Variants in ANKMY1 observed in about 807,000 individuals in gnomAD.
The protein encoded by ANKMY1 is ankyrin repeat and MYND domain-containing protein 1.
Under a neutral mutation model 102.0 loss-of-function variants are expected in ANKMY1, and 98 were observed. The observed-to-expected ratio is 0.96, with a 90% CI of 0.82 to 1.14. ANKMY1 has a LOEUF of 1.14. ANKMY1 is among the 50% of genes most tolerant of loss of function. The pLI is 0.00. For synonymous variants in ANKMY1, 582 were observed against 559.9 expected (o/e 1.04, Z -0.56); for missense variants, 1,330 against 1,347.6 (o/e 0.99, Z 0.20).
intron 4 of ANKMY1, among the ~76,000 whole-genome samples, chr2:240,530,800 G>C (rs1006377958): frequency 2.0e-5 from 3 of 152,106 alleles, no homozygotes; most frequent in Non-Finnish European, 4.4e-5. Context: ...TGTAAGCCCA[G>C]CTACTCAGAG....
At chr2:240,523,813 G>A (rs1333420084) in intron 8 of ANKMY1, 72 bp downstream of exon 8, 46 of 1,551,860 alleles carry the variant, frequency 3.0e-5, no homozygotes, top group Admixed American at 9.0e-5. Context: ...GGGAAGAGAC[G>A]TGGGTCTGCT....
At chr2:240,560,548 C>T, upstream of ANKMY1, 1 of 1,235,318 alleles carries the variant, frequency 8.1e-7, no homozygotes, top group Non-Finnish European at 1.0e-6. Context: ...AAGCCCCAGC[C>T]TGGTCCACCT....
At chr2:240,479,271 C>A (rs2075071650), downstream of ANKMY1, among the ~76,000 whole-genome samples, 1 of 152,214 alleles carries the variant, frequency 6.6e-6, no homozygotes, top group Non-Finnish European at 1.5e-5. Context: ...GCAGCAGGCT[C>A]CGAGTCCTGA....
intron 8 of ANKMY1, among the ~76,000 whole-genome samples, chr2:240,521,491 CTTTTTTTTTTTTTTT>C (rs1162330484): frequency 1.4e-5 from 1 of 69,592 alleles, no homozygotes; most frequent in Non-Finnish European, 2.6e-5. Flanking sequence ...GGTGTTACAG[CTTTTTTTTTTTTTTT>C]TTTTTTTTTT....
chr2:240,499,244 G>T lies in ANKMY1; in HGVS notation c.2806+714C>A, dbSNP rs1246975259. On this transcript the variant is annotated intron_variant, in intron 15 of 17. Coordinates refer to ENST00000401804, the MANE Select transcript of ANKMY1 (RefSeq NM_001282771.3). This position sits in a 1 kb window ranked among gnomAD's most constrained non-coding sequence, Gnocchi z 4.2. The stretch of plus-strand genomic sequence containing the variant: ...GTGACAGGTTTTTATGTGAGGAGAG[G>T]ATGGCTGTGGGTATCAGTGTGTGTG... Among the ~76,000 whole-genome samples, 1 of 151,748 alleles carries T rather than the reference G, an allele frequency of 6.6e-6. No individual in the cohort carries two copies. The highest frequency in any genetic ancestry group is 2.1e-4 in the South Asian group (1 of 4,808).
chr2:240,558,868 A>G (rs997385481), upstream of ANKMY1, among the ~76,000 whole-genome samples: 4 of 152,182 alleles, frequency 2.6e-5, no homozygotes, highest in African/African-American at 9.7e-5. Context: ...GACCCAGTAC[A>G]AACCACTCAG....
At chr2:240,557,552 G>A in intron 1 of ANKMY1, 200 bp from the exon 2 acceptor site, 1 of 529,814 alleles carries the variant, frequency 1.9e-6, no homozygotes, top group Non-Finnish European at 3.0e-6. Flanking sequence ...GGAACCATGG[G>A]TAAACTTCAC....
chr2:240,541,150 G>C lies in ANKMY1; in HGVS notation c.481-11641C>G, dbSNP rs142085604. ...CCTGAGGGCTTGTTTGTAACTGTGT[G>C]TTGTGTGTGTGCCTGGGAAAGTGAG... On this transcript the variant is annotated intron_variant, in intron 4 of 17. Transcript: ENST00000401804. Among the ~76,000 whole-genome samples the C allele has an allele frequency of 2.5e-3, 379 of 152,340 alleles. 2 individuals carry two copies. The highest frequency in any genetic ancestry group is 8.8e-3 in the African/African-American group (365 of 41,578).
intron 12 of ANKMY1, 124 bp from the exon 13 acceptor site, chr2:240,507,815 G>A (rs773452340): frequency 7.1e-5 from 87 of 1,217,410 alleles, no homozygotes; most frequent in Non-Finnish European, 9.1e-5. Flanking sequence ...GGAGGCCACC[G>A]CTGGCCCTTC....
chr2:240,548,284 G>A (rs1038618265), intron 4 of ANKMY1, among the ~76,000 whole-genome samples: 3 of 152,180 alleles, frequency 2.0e-5, no homozygotes, highest in African/African-American at 7.2e-5. Flanking sequence ...CTCACTAGAT[G>A]CAGAAAAGAC....
intron 4 of ANKMY1, among the ~76,000 whole-genome samples, chr2:240,545,199 C>T (rs1219096660): frequency 2.0e-5 from 3 of 152,230 alleles, no homozygotes; most frequent in Non-Finnish European, 4.4e-5. Context: ...GGGTCCCTGA[C>T]CTCTGACCCC....
chr2:240,550,136 A>C (rs1352360748), intron 4 of ANKMY1, among the ~76,000 whole-genome samples: 1 of 152,058 alleles, frequency 6.6e-6, no homozygotes, highest in East Asian at 1.9e-4. Context: ...ACAATGATAG[A>C]CTGGATTAAG....
In ANKMY1 at chr2:240,499,696, G is replaced by A. The variant is rs2077831987; in HGVS notation, c.2806+262C>T. 6.6e-6 allele frequency among the ~76,000 whole-genome samples: 1 copy of A among 152,014 alleles called. No individual in the cohort carries two copies. Among genetic ancestry groups the A allele is most frequent in the Non-Finnish European group, 1.5e-5 (1 of 67,952 alleles). On this transcript the variant is annotated intron_variant, in intron 15 of 17. Transcript: ENST00000401804. This position sits in a 1 kb window ranked among gnomAD's most constrained non-coding sequence, Gnocchi z 4.2. ...CAGTGCCTAGTTCTCTCCTGGGCGT[G>A]GGGCCCCTCTGACCTGGGCCCTGGC...
At position 240,506,394 on chromosome 2, in the gene ANKMY1, T is replaced by A. The variant is rs1329039711; in HGVS notation, c.2526+1166A>T. On this transcript the variant is annotated intron_variant, in intron 13 of 17. Coordinates refer to ENST00000401804, the MANE Select transcript of ANKMY1 (RefSeq NM_001282771.3). The surrounding 1 kb of genome is among the most constrained non-coding windows in gnomAD (Gnocchi z 4.9). ...AATGGTGCCGACTACCCACACACACTGTTTCATTCCATCCTCTGCCGCCTA... is the reference window on the plus strand; with the variant it reads ...AATGGTGCCGACTACCCACACACACAGTTTCATTCCATCCTCTGCCGCCTA... Among the ~76,000 whole-genome samples, 1 of 152,154 alleles carries A rather than the reference T, an allele frequency of 6.6e-6. No individual in the cohort carries two copies. The highest frequency in any genetic ancestry group is 1.9e-4 in the East Asian group (1 of 5,184).
rs572450846 is a variant in ANKMY1, at chr2:240,511,008, C to A, written c.2286+853G>T. The stretch of plus-strand genomic sequence containing the variant: ...CACCCTTCAGGTGGTCTACTCAGGG[C>A]AGAGCGCCTGGCCCCAAGAAGACCC... On this transcript the variant is annotated intron_variant, in intron 11 of 17. Coordinates refer to ENST00000401804, the MANE Select transcript of ANKMY1 (RefSeq NM_001282771.3). Among the ~76,000 whole-genome samples the A allele has an allele frequency of 6.6e-5, 10 of 152,146 alleles. No individual in the cohort carries two copies. In the East Asian group the frequency reaches 1.9e-3, roughly 30 times the overall value.
intron 9 of ANKMY1, among the ~76,000 whole-genome samples, chr2:240,514,708 A>T (rs1480562519): frequency 2.6e-5 from 4 of 152,234 alleles, no homozygotes; most frequent in Non-Finnish European, 5.9e-5. Flanking sequence ...TGCATTGAAG[A>T]GCAAAGAAAC....
At chr2:240,549,180 G>C (rs1321854144) in intron 4 of ANKMY1, among the ~76,000 whole-genome samples, 2 of 151,398 alleles carry the variant, frequency 1.3e-5, no homozygotes, top group Admixed American at 6.6e-5. Flanking sequence ...TAGATCAATG[G>C]AACAGAACAG....
chr2:240,511,922 A>G lies in ANKMY1; in HGVS notation c.2225T>C (p.Leu742Pro). The G allele has an allele frequency of 6.3e-7, 1 of 1,579,646 alleles. No homozygotes were observed. The highest frequency in any genetic ancestry group is 1.1e-5 in the South Asian group (1 of 88,774). The stretch of plus-strand genomic sequence containing the variant: ...AGCCGTCCTGCCCCCCTCCTCCGGG[A>G]GGGCTGTGTCCGTGCTGTAGTAGGC... The part of the protein sequence containing the change: ...PQAYYSTDTA[L>P]PEEGGRTALH... The change falls in exon 11 of 18, where the codon CTC (leucine) becomes CCC (proline). Residue 742 changes from leucine to proline, a missense_variant. Coordinates refer to ENST00000401804, the MANE Select transcript of ANKMY1 (RefSeq NM_001282771.3).
chr2:240,482,362 C>A, intron 15 of ANKMY1, 101 bp from the exon 16 acceptor site: 1 of 1,063,438 alleles, frequency 9.4e-7, no homozygotes, highest in Non-Finnish European at 1.4e-6. Context: ...CCTGCCTGCA[C>A]TACTCGGGAG....
Sources: allele counts gnomAD v4.1 joint callset (sites outside exome capture counted in the v4.1 genomes callset), GRCh38; gene constraint gnomAD v4.1.1; non-coding constraint Gnocchi (gnomAD v3.1); transcripts MANE v1.5; gene names NCBI Gene and HGNC (gene_info 2026-07-23, HGNC 2026-07-21).